MGA: variants seen among roughly 807,000 people sequenced by gnomAD.
The protein encoded by MGA is MAX gene-associated protein.
MGA carries 40 observed loss-of-function variants against 261.1 expected under a neutral mutation model. The ratio of observed to expected loss-of-function variants is 0.15; its 90% CI spans 0.12 to 0.20. The LOEUF (loss-of-function observed/expected upper bound fraction) is 0.20. MGA is among the 10% of genes least tolerant of loss of function. The pLI is 1.00. For missense variants in MGA, 3,397 were observed against 3,630.5 expected (o/e 0.94, Z 1.65); for synonymous variants, 1,302 against 1,290.6 (o/e 1.01, Z -0.19).
intron 2 of MGA, chr15:41,691,575 C>T (rs747065280): frequency 2.1e-5 from 10 of 472,764 alleles, no homozygotes; most frequent in Middle Eastern, 3.5e-4. Context: ...AGTAAGTAGA[C>T]GTGGCAAGAA....
intron 9 of MGA, among the ~76,000 whole-genome samples, chr15:41,724,576 A>G (rs958406747): frequency 6.6e-6 from 1 of 152,204 alleles, no homozygotes; most frequent in Non-Finnish European, 1.5e-5. Context: ...AGTCTCAGCT[A>G]TAAGATGAGG....
At chr15:41,653,011 G>A (rs531189363) in intron 1 of MGA, among the ~76,000 whole-genome samples, 9 of 152,156 alleles carry the variant, frequency 5.9e-5, no homozygotes, top group South Asian at 2.1e-4. Context: ...AATTTGCACC[G>A]CATTCAAGTT....
At chr15:41,708,343 G>A (rs2060219112) in intron 7 of MGA, 135 bp downstream of exon 7, 3 of 697,572 alleles carry the variant, frequency 4.3e-6, no homozygotes, top group Non-Finnish European at 7.1e-6. Flanking sequence ...TTGAGACTGA[G>A]TTTTGCTCTT....
intron 1 of MGA, among the ~76,000 whole-genome samples, chr15:41,646,696 C>T (rs1035867015): frequency 2.0e-5 from 3 of 151,686 alleles, no homozygotes; most frequent in Non-Finnish European, 2.9e-5. Context: ...GGCAACAGAA[C>T]GAGACTCTGT....
chr15:41,639,765 G>A (rs1192450784), intron 1 of MGA, among the ~76,000 whole-genome samples: 1 of 151,966 alleles, frequency 6.6e-6, no homozygotes, highest in East Asian at 1.9e-4. Flanking sequence ...AGCCAGGATG[G>A]TCTCGATCTC....
In MGA at chr15:41,669,128, C is replaced by T. The variant is rs1178763451; in HGVS notation, c.234C>T (p.Thr78=). 6 of 1,612,832 alleles carry T rather than the reference C, an allele frequency of 3.7e-6. No homozygotes were observed. Among genetic ancestry groups the T allele is most frequent in the East Asian group, 2.2e-5 (1 of 44,840 alleles). ...GTACTGTGGGTGGAATCACTGTTAC[C>T]CTCGATAACAATAGTATGTGGAATG... Residue 78 remains threonine, a synonymous_variant, in exon 2 of 24, where the codon ACC becomes ACT. Coordinates refer to ENST00000219905, the MANE Select transcript of MGA (RefSeq NM_001164273.2).
At chr15:41,688,939 A>T (rs2151193836) in intron 2 of MGA, among the ~76,000 whole-genome samples, 1 of 151,852 alleles carries the variant, frequency 6.6e-6, no homozygotes. Flanking sequence ...ACATGGGGGG[A>T]GCGGGGGATG....
At chr15:41,679,110 G>A (rs976975037) in intron 2 of MGA, among the ~76,000 whole-genome samples, 1 of 151,128 alleles carries the variant, frequency 6.6e-6, no homozygotes, top group East Asian at 2.0e-4. Context: ...ATCTCGGCTC[G>A]CTGCAACCTC....
At chr15:41,730,784 A>T (rs2061467472) in intron 11 of MGA, among the ~76,000 whole-genome samples, 1 of 152,204 alleles carries the variant, frequency 6.6e-6, no homozygotes, top group Non-Finnish European at 1.5e-5. Context: ...GCTGCAACTG[A>T]TAATATTCAA....
At chr15:41,668,761 A>G in intron 1 of MGA, 67 bp from the exon 2 acceptor site, 2 of 559,952 alleles carry the variant, frequency 3.6e-6, no homozygotes, top group Non-Finnish European at 6.1e-6. Context: ...ATTTTTGTTC[A>G]AGAAATAAAT....
In MGA at chr15:41,708,112, T is replaced by G; in HGVS notation, c.2329T>G (p.Phe777Val). Reference sequence around the variant, plus strand: ...GACTTTTTCTTTTATAGATGCGGGATTTCCCTTTGTTTCTAGGACAGGGAA... The same window carrying G: ...GACTTTTTCTTTTATAGATGCGGGAGTTCCCTTTGTTTCTAGGACAGGGAA... Residue 777 changes from phenylalanine to valine, a missense_variant, in exon 7 of 24, where the codon TTT (phenylalanine) becomes GTT (valine). This residue lies in a region of MGA where 519 missense variants were observed against 554.1 expected (regional missense o/e 0.94). Transcript: ENST00000219905. 4.4e-6 allele frequency: 7 copies of G among 1,579,824 alleles called. 1 individual carries two copies. The Middle Eastern group carries it at 1.2e-3, about 266-fold the overall frequency.
chr15:41,698,798 C>T, intron 3 of MGA, 65 bp from the exon 4 acceptor site: 7 of 1,250,316 alleles, frequency 5.6e-6, no homozygotes, highest in East Asian at 2.6e-5. Flanking sequence ...TTTTTTAATC[C>T]TGTTTTACAT....
At chr15:41,759,269 C>T (rs1214106757) in intron 19 of MGA, among the ~76,000 whole-genome samples, 1 of 151,920 alleles carries the variant, frequency 6.6e-6, no homozygotes, top group Non-Finnish European at 1.5e-5. Flanking sequence ...AGCAAGAAGT[C>T]AATAGATAGC....
At chr15:41,724,755 A>T (rs1431025863) in intron 9 of MGA, among the ~76,000 whole-genome samples, 2 of 152,186 alleles carry the variant, frequency 1.3e-5, no homozygotes, top group Non-Finnish European at 2.9e-5. Flanking sequence ...AAGGTAGTTG[A>T]CAGAGACTGC....
intron 9 of MGA, among the ~76,000 whole-genome samples, chr15:41,723,183 C>G (rs1296036781): frequency 6.6e-6 from 1 of 151,650 alleles, no homozygotes; most frequent in Non-Finnish European, 1.5e-5. Context: ...TTTTTTTTTC[C>G]TGAGTTTCAG....
chr15:41,670,727 C>T (rs1436274942), intron 2 of MGA, among the ~76,000 whole-genome samples: 7 of 151,976 alleles, frequency 4.6e-5, no homozygotes, highest in African/African-American at 1.2e-4. Flanking sequence ...AGGATGGTCT[C>T]GATCTCCTGA....
At position 41,696,901 on chromosome 15, in the gene MGA, A is replaced by G; in HGVS notation, c.1891A>G (p.Asn631Asp). The G allele has an allele frequency of 6.3e-7, 1 of 1,599,042 alleles. No individual in the cohort carries two copies. The highest frequency in any genetic ancestry group is 1.1e-5 in the South Asian group (1 of 88,354). Residue 631 changes from asparagine (N) to aspartate (D), a missense_variant, in exon 3 of 24, where the codon AAC becomes GAC. Asn to Asp is a conservative substitution (Grantham distance 23). This residue lies in a region of MGA where 563 missense variants were observed against 563.6 expected (regional missense o/e 1.00). Coordinates refer to ENST00000219905, the MANE Select transcript of MGA (RefSeq NM_001164273.2). ...CTGTAAGGCAGGACGACCACCTAAG[A>G]ACACAGGAAAGTCTTTAATTTCTAC...
intron 2 of MGA, among the ~76,000 whole-genome samples, chr15:41,686,059 A>G (rs920051241): frequency 6.6e-6 from 1 of 152,044 alleles, no homozygotes; most frequent in Admixed American, 6.6e-5. Context: ...AGTATATAGA[A>G]ATCCAGCTGA....
rs74942595 is a variant in MGA at position 41,745,284 on chromosome 15, A to T, written c.5212+2112A>T. On this transcript the variant is annotated intron_variant, in intron 15 of 23. Transcript: ENST00000219905. ...AGAAACACCCAAGAATGATCAATAA[A>T]AAAAAAAAAAAAAAAAAAAAAAAGA... Among the ~76,000 whole-genome samples, 4 of 137,350 alleles carry T rather than the reference A, an allele frequency of 2.9e-5. No individual in the cohort carries two copies. In the East Asian group the frequency reaches 5.9e-4, roughly 20 times the overall value. 90.1% of individuals were successfully genotyped at this position (137,350 alleles called of 152,430 possible).
Sources: gnomAD v4.1 joint callset for allele counts (sites outside exome capture counted in the v4.1 genomes callset) on GRCh38, gnomAD v4.1.1 for gene constraint, gnomAD v4.1.1 regional missense constraint, MANE v1.5 for transcripts, NCBI Gene and HGNC (gene_info 2026-07-23, HGNC 2026-07-21) for gene names.